The following AGBL3 variants were observed in gnomAD, a reference collection of about 807,000 sequenced individuals.
AGBL3 encodes cytosolic carboxypeptidase 3.
AGBL3 carries 68 observed loss-of-function variants against 94.5 expected under a neutral mutation model. That is an observed-to-expected ratio of 0.72 (90% confidence interval 0.59 to 0.88). AGBL3 has a LOEUF of 0.88. Ranked by LOEUF, AGBL3 falls within the 40% of genes least tolerant of loss-of-function variation. The probability of loss-of-function intolerance (pLI) is 0.00; values close to 1 mark genes in which losing one functional copy is unlikely to be tolerated. For synonymous variants in AGBL3, 354 were observed against 370.7 expected, an observed-to-expected ratio of 0.95 and a Z score of 0.52; for missense variants, 934 against 1,103.8, an observed-to-expected ratio of 0.85 and a Z score of 2.18.
At chr7:135,010,841 G>A (rs184171294) in intron 4 of AGBL3, 13 of 152,216 alleles carry the variant, frequency 8.5e-5, no homozygotes, top group African/African-American at 2.6e-4. Flanking sequence ...TAAATAGAGG[G>A]AAATAGCATG....
chr7:135,043,880 A>G (rs564261279), intron 8 of AGBL3, 145 bp from the exon 9 acceptor site: 432 of 955,330 alleles, frequency 4.5e-4, no homozygotes, highest in Admixed American at 5.9e-4. Flanking sequence ...AGATATTTCC[A>G]CAGGTCAGGA....
Position 135,080,192 on chromosome 7 carries a change from C to T in AGBL3, c.1981-11C>T, listed in dbSNP as rs1486822953. 13 of 1,536,334 alleles carry T rather than the reference C, an allele frequency of 8.5e-6. No individual in the cohort carries two copies. The highest frequency in any genetic ancestry group is 1.1e-5 in the Non-Finnish European group (13 of 1,133,928). On this transcript the variant is annotated splice_polypyrimidine_tract_variant and intron_variant, in intron 13 of 16. Coordinates refer to ENST00000436302, the MANE Select transcript of AGBL3 (RefSeq NM_178563.4). ...AATAGCATTGTTTTCTTTGATTCTACATTCCATTAGGTTTATGATAGAGGG... is the reference window on the plus strand; with the variant it reads ...AATAGCATTGTTTTCTTTGATTCTATATTCCATTAGGTTTATGATAGAGGG...
chr7:135,068,938 T>C (rs945911724), intron 12 of AGBL3, among the ~76,000 whole-genome samples: 4 of 152,072 alleles, frequency 2.6e-5, no homozygotes, highest in Admixed American at 1.3e-4. Flanking sequence ...GACTGGCAAA[T>C]TGGATAAAGG....
intron 4 of AGBL3, among the ~76,000 whole-genome samples, chr7:135,014,609 C>A (rs1725806053): frequency 6.6e-6 from 1 of 152,168 alleles, no homozygotes; most frequent in Admixed American, 6.5e-5. Flanking sequence ...AAGGAGTCTT[C>A]TTTTGCATAG....
intron 12 of AGBL3, among the ~76,000 whole-genome samples, chr7:135,069,709 G>A (rs1380470148): frequency 6.6e-6 from 1 of 152,054 alleles, no homozygotes. Flanking sequence ...GAATCTCTGG[G>A]ACATATTCAA....
Position 135,034,656 on chromosome 7 carries a change from G to A in AGBL3, c.1065G>A (p.Lys355=), listed in dbSNP as rs1378724194. 9.0e-6 allele frequency: 14 copies of A among 1,551,650 alleles called. No homozygotes were observed. The highest frequency in any genetic ancestry group is 1.2e-5 in the Non-Finnish European group (14 of 1,146,972). Residue 355 remains lysine (K), a synonymous_variant, in exon 7 of 17, where the codon AAG becomes AAA. Transcript: ENST00000436302. The part of the protein sequence containing the change: ...PLKNSDSRKR[K]AVILTARVHP... ...AGAACTCTGACTCAAGAAAGCGGAAGGCTGTGATTCTGACTGCAAGGGTCC... is the reference window on the plus strand; with the variant it reads ...AGAACTCTGACTCAAGAAAGCGGAAAGCTGTGATTCTGACTGCAAGGGTCC...
At chr7:135,059,980 T>C (rs1341947237) in intron 12 of AGBL3, among the ~76,000 whole-genome samples, 2 of 152,206 alleles carry the variant, frequency 1.3e-5, no homozygotes, top group Non-Finnish European at 2.9e-5. Flanking sequence ...GGTCAACTGG[T>C]CTTGGATTCA....
chr7:135,104,148 A>G (rs1026428277), intron 15 of AGBL3, among the ~76,000 whole-genome samples: 4 of 151,980 alleles, frequency 2.6e-5, no homozygotes, highest in South Asian at 2.1e-4. Context: ...GCTCCCACTT[A>G]TAAGTGACAA....
rs191016592 is a variant in AGBL3 at position 134,989,132 on chromosome 7, G to A, written c.64-118G>A. On this transcript the variant is annotated intron_variant, in intron 2 of 16. Transcript: ENST00000436302. ...CTGATAATAATCCTTTAATTTTCTC[G>A]TTTATTAAAGGTTAAAGACATATAC... 4.8e-4 allele frequency: 314 copies of A among 648,952 alleles called. 4 individuals are homozygous for A. The highest frequency in any genetic ancestry group is 4.8e-3 in the African/African-American group (251 of 52,824). 40.2% of individuals were successfully genotyped at this position (648,952 alleles called of 1,614,324 possible). A position where few individuals can be genotyped will look rare whatever the true frequency, so the allele number is the denominator to read the frequency against.
Position 135,059,156 on chromosome 7 carries a change from A to T in AGBL3, c.1842-13A>T, listed in dbSNP as rs1027414542. On this transcript the variant is annotated splice_polypyrimidine_tract_variant and intron_variant, in intron 11 of 16. Coordinates refer to ENST00000436302, the MANE Select transcript of AGBL3 (RefSeq NM_178563.4). The stretch of plus-strand genomic sequence containing the variant: ...CCAAAACACTGTATAAACCAAAATT[A>T]TTTTTTTTGTAGTAGCCGAGGCTCT... 1.3e-4 allele frequency: 199 copies of T among 1,540,874 alleles called. No individual in the cohort carries two copies. The highest frequency in any genetic ancestry group is 5.0e-4 in the Middle Eastern group (3 of 5,950).
chr7:135,081,918 T>C, intron 15 of AGBL3, 128 bp downstream of exon 15: 2 of 579,696 alleles, frequency 3.5e-6, no homozygotes, highest in East Asian at 3.1e-5. Flanking sequence ...TGCTTTTAAT[T>C]TTACCCAGTC....
At chr7:135,068,941 G>C (rs144456426) in intron 12 of AGBL3, among the ~76,000 whole-genome samples, 18,162 of 152,150 alleles carry the variant, frequency 0.12, 1,209 homozygotes, top group East Asian at 0.19. Context: ...TGGCAAATTG[G>C]ATAAAGGGTC....
At chr7:135,105,007 G>A (rs901085139) in intron 15 of AGBL3, among the ~76,000 whole-genome samples, 3 of 150,406 alleles carry the variant, frequency 2.0e-5, no homozygotes, top group African/African-American at 7.3e-5. Flanking sequence ...CAGTTCCTAT[G>A]TGCAGAATAG....
chr7:135,081,704 T>C lies in AGBL3; in HGVS notation c.2039-15T>C. 1 of 1,498,122 alleles carries C rather than the reference T, an allele frequency of 6.7e-7. No homozygotes were observed. Among genetic ancestry groups the C allele is most frequent in the Non-Finnish European group, 9.1e-7 (1 of 1,104,432 alleles). The allele number at this position is 1,498,122 out of a possible 1,614,324, so 92.8% of individuals were successfully genotyped here. A position where few individuals can be genotyped will look rare whatever the true frequency, so the allele number is the denominator to read the frequency against. On this transcript the variant is annotated splice_polypyrimidine_tract_variant and intron_variant, in intron 14 of 16. Transcript: ENST00000436302. Reference sequence around the variant, plus strand: ...GTTATTTTCATGCTACTATGATCTTTATCATCTTCTCTAGATACAAGGCCA... The same window carrying C: ...GTTATTTTCATGCTACTATGATCTTCATCATCTTCTCTAGATACAAGGCCA...
chr7:135,019,992 A>G (rs1644318714), intron 5 of AGBL3, among the ~76,000 whole-genome samples: 1 of 152,236 alleles, frequency 6.6e-6, no homozygotes, highest in South Asian at 2.1e-4. Flanking sequence ...CATTCAGGAC[A>G]TAGGCATGGG....
chr7:135,132,860 T>C (rs546047484), intron 16 of AGBL3, among the ~76,000 whole-genome samples: 30 of 152,306 alleles, frequency 2.0e-4, no homozygotes, highest in African/African-American at 7.2e-4. Flanking sequence ...GCATTGGGTA[T>C]GTTTTTATTA....
Position 135,017,127 on chromosome 7 carries a change from A to G in AGBL3, c.386A>G (p.Lys129Arg), listed in dbSNP as rs1470690803. The change falls in exon 5 of 17, where the codon AAG (lysine) becomes AGG (arginine). Residue 129 changes from lysine to arginine, a missense_variant. Lys to Arg is a conservative substitution (Grantham distance 26). Around this residue, in one of 3 missense-constraint regions of AGBL3, gnomAD observed 488 missense variants for 563.6 expected, o/e 0.87. Transcript: ENST00000436302. ...LETEPLYPDS[K>R]EATVVYLAED... ...ACGGAACCCCTTTATCCAGACTCCA[A>G]GGAAGCTACTGTGGTTTATCTAGCT... The G allele has an allele frequency of 6.5e-7, 1 of 1,550,172 alleles. No homozygotes were observed. The highest frequency in any genetic ancestry group is 2.4e-5 in the East Asian group (1 of 40,872).
At chr7:135,098,213 CA>C (rs1376445554) in intron 15 of AGBL3, among the ~76,000 whole-genome samples, 2 of 152,170 alleles carry the variant, frequency 1.3e-5, no homozygotes, top group Non-Finnish European at 2.9e-5. Context: ...TAAATACAGT[CA>C]TCCCTTTGTA....
chr7:135,090,748 C>T (rs548712280), intron 15 of AGBL3, among the ~76,000 whole-genome samples: 1 of 152,232 alleles, frequency 6.6e-6, no homozygotes, highest in South Asian at 2.1e-4. Flanking sequence ...TAGGGTACCA[C>T]CTAAGCTCCA....
Sources: gnomAD v4.1 joint callset for allele counts (sites outside exome capture counted in the v4.1 genomes callset) on GRCh38, gnomAD v4.1.1 for gene constraint, gnomAD v4.1.1 regional missense constraint, MANE v1.5 for transcripts, NCBI Gene and HGNC (gene_info 2026-07-23, HGNC 2026-07-21) for gene names.